The following POLI variants were observed in gnomAD, a reference collection of about 807,000 sequenced individuals.
The protein encoded by POLI is DNA polymerase iota.
Under a neutral mutation model 51.6 loss-of-function variants are expected in POLI, and 58 were observed. The ratio of observed to expected loss-of-function variants is 1.12; its 90% CI spans 0.91 to 1.40. The LOEUF (loss-of-function observed/expected upper bound fraction) is 1.40, where lower values mean the gene tolerates loss of function less well. POLI is among the 40% of genes most tolerant of loss of function. POLI has a pLI of 0.00. For synonymous variants in POLI, 322 were observed against 299.7 expected, an observed-to-expected ratio of 1.07 and a Z score of -0.77; for missense variants, 921 against 871.3, an observed-to-expected ratio of 1.06 and a Z score of -0.72.
At chr18:54,288,148 C>T (rs2087831733) in intron 8 of POLI, among the ~76,000 whole-genome samples, 1 of 152,144 alleles carries the variant, frequency 6.6e-6, no homozygotes, top group African/African-American at 2.4e-5. Context: ...ACATTTTCAT[C>T]AACAATATTT....
Position 54,294,619 on chromosome 18 carries a change from C to A in POLI, c.*152C>A. The A allele has an allele frequency of 7.7e-7, 1 of 1,299,616 alleles. No homozygotes were observed. The highest frequency in any genetic ancestry group is 9.7e-7 in the Non-Finnish European group (1 of 1,027,470). The allele number at this position is 1,299,616 out of a possible 1,614,324, so 80.5% of individuals were successfully genotyped here. On this transcript the variant is annotated 3_prime_UTR_variant, in exon 10 of 10. Transcript: ENST00000579534. ...CAAGAATAGTTGCAAGAAGTAAATT[C>A]TGGCACAAAGCGTAAAAATATAACA...
At position 54,297,823 on chromosome 18, in the gene POLI, G is replaced by A. The variant is rs2088408035; in HGVS notation, c.*3356G>A. On this transcript the variant is annotated 3_prime_UTR_variant, in exon 10 of 10. Transcript: ENST00000579534. ...TAAATCTCCAAATTGGATATTATTA[G>A]TATTTTATATAGTCAATGTTTATTT... 3 of 966,000 alleles carry A rather than the reference G, an allele frequency of 3.1e-6. No individual in the cohort carries two copies. Among genetic ancestry groups the A allele is most frequent in the South Asian group, 9.5e-5 (2 of 20,992 alleles). The allele number at this position is 966,000 out of a possible 1,614,324, so 59.8% of individuals were successfully genotyped here. A position where few individuals can be genotyped will look rare whatever the true frequency, so the allele number is the denominator to read the frequency against.
downstream of POLI, among the ~76,000 whole-genome samples, chr18:54,299,232 C>T (rs369509953): frequency 9.2e-5 from 14 of 152,132 alleles, 1 homozygote; most frequent in South Asian, 8.3e-4. Flanking sequence ...CTCAGGAGTT[C>T]GAGACCAACC....
At chr18:54,298,892 C>A (rs1044556446), downstream of POLI, among the ~76,000 whole-genome samples, 2 of 152,056 alleles carry the variant, frequency 1.3e-5, no homozygotes, top group Admixed American at 1.3e-4. Flanking sequence ...GGCCCTACTA[C>A]AGAATCTTTT....
chr18:54,272,933 G>A (rs939523721), intron 2 of POLI, among the ~76,000 whole-genome samples: 8 of 151,840 alleles, frequency 5.3e-5, no homozygotes, highest in African/African-American at 1.5e-4. Context: ...GGCATTACCT[G>A]ATATATGAAA....
chr18:54,297,078 C>G lies in POLI; in HGVS notation c.*2611C>G, dbSNP rs1011986671. On this transcript the variant is annotated 3_prime_UTR_variant, in exon 10 of 10. Coordinates refer to ENST00000579534, the MANE Select transcript of POLI (RefSeq NM_007195.3). Reference sequence around the variant, plus strand: ...AAACTCCTTGGCATACTCTATTCACCTTTGTGGATCCTGATTGAATGCCTT... The same window carrying G: ...AAACTCCTTGGCATACTCTATTCACGTTTGTGGATCCTGATTGAATGCCTT... 9.1e-6 allele frequency: 9 copies of G among 985,208 alleles called. No homozygotes were observed. Among genetic ancestry groups the G allele is most frequent in the Non-Finnish European group, 1.1e-5 (9 of 829,896 alleles). The allele number at this position is 985,208 out of a possible 1,614,324, so 61.0% of individuals were successfully genotyped here.
intron 3 of POLI, among the ~76,000 whole-genome samples, chr18:54,306,546 G>A (rs2088589482): frequency 6.6e-6 from 1 of 151,996 alleles, no homozygotes; most frequent in Non-Finnish European, 1.5e-5. Context: ...TTTTTTGTGT[G>A]TGTCTCTGCT....
intron 3 of POLI, among the ~76,000 whole-genome samples, chr18:54,307,813 G>T (rs2088612800): frequency 6.6e-6 from 1 of 152,032 alleles, no homozygotes; most frequent in East Asian, 1.9e-4. Context: ...TCTTCTTGTT[G>T]AATTGATCCC....
Position 54,274,084 on chromosome 18 carries a change from GT to G in POLI, c.402del (p.Thr135GlnfsTer23). On this transcript the variant is annotated frameshift_variant, in exon 3 of 10. Coordinates refer to ENST00000579534, the MANE Select transcript of POLI (RefSeq NM_007195.3). LOFTEE classifies it high-confidence loss of function. ...CCGCTACAGAGAAATGTCTTATAAG[GT>G]TACAGGTACAAATGATAAGCAATGT... ...LTRYREMSYK[V>X]TELLEEFSPV... 1.4e-6 allele frequency: 2 copies of G among 1,425,198 alleles called. No individual in the cohort carries two copies. The highest frequency in any genetic ancestry group is 4.9e-5 in the Admixed American group (2 of 40,634). 88.3% of individuals were successfully genotyped at this position (1,425,198 alleles called of 1,614,324 possible).
At chr18:54,281,856 C>T (rs1160822513) in intron 5 of POLI, among the ~76,000 whole-genome samples, 1 of 151,696 alleles carries the variant, frequency 6.6e-6, no homozygotes, top group Non-Finnish European at 1.5e-5. Flanking sequence ...ATAGTTCCCC[C>T]TACATAGCCA....
At chr18:54,311,906 C>T (rs980200191) in intron 3 of POLI, among the ~76,000 whole-genome samples, 2 of 152,142 alleles carry the variant, frequency 1.3e-5, no homozygotes, top group Admixed American at 6.5e-5. Flanking sequence ...AAAAATAGGG[C>T]ATCACATTTA....
intron 2 of POLI, 132 bp from the exon 3 acceptor site, chr18:54,273,794 A>T (rs1405249752): frequency 4.3e-6 from 2 of 469,338 alleles, no homozygotes; most frequent in Non-Finnish European, 7.3e-6. Context: ...ATGTTTTTTA[A>T]TTGAGACAGG....
chr18:54,299,155 C>G (rs1190784020), downstream of POLI, among the ~76,000 whole-genome samples: 1 of 152,168 alleles, frequency 6.6e-6, no homozygotes, highest in Non-Finnish European at 1.5e-5. Context: ...AGAGCCTGGG[C>G]CGGGCGTGGT....
intron 5 of POLI, among the ~76,000 whole-genome samples, chr18:54,282,353 T>C (rs536796584): frequency 8.6e-4 from 131 of 152,280 alleles, no homozygotes; most frequent in African/African-American, 3.1e-3. Context: ...TCAGGAGCCC[T>C]GAGTGGAAGA....
intron 5 of POLI, 139 bp downstream of exon 5, chr18:54,281,042 G>T: frequency 6.2e-6 from 3 of 487,458 alleles, no homozygotes; most frequent in Non-Finnish European, 1.1e-5. Context: ...GTGTATACTT[G>T]GTTCCTGGAA....
chr18:54,321,089 A>G (rs1375243912), exon 5 of POLI: 1 of 152,208 alleles, frequency 6.6e-6, no homozygotes, highest in Non-Finnish European at 1.5e-5. Flanking sequence ...CGCCACAGTC[A>G]ACACACAGAA....
chr18:54,305,022 C>A (rs2088558651), intron 3 of POLI, among the ~76,000 whole-genome samples: 1 of 152,178 alleles, frequency 6.6e-6, no homozygotes, highest in Non-Finnish European at 1.5e-5. Flanking sequence ...ATAGGGAATC[C>A]TTTCCCCATT....
At position 54,272,710 on chromosome 18, in the gene POLI, G is replaced by T. The variant is rs140087604; in HGVS notation, c.242-1216G>T. 1.3e-4 allele frequency among the ~76,000 whole-genome samples: 20 copies of T among 151,296 alleles called. No homozygotes were observed. The East Asian group carries it at 3.3e-3, about 25-fold the overall frequency. On this transcript the variant is annotated intron_variant, in intron 2 of 9. Coordinates refer to ENST00000579534, the MANE Select transcript of POLI (RefSeq NM_007195.3). The stretch of plus-strand genomic sequence containing the variant: ...TGGTCTCGTATGCTTGAATTCAGGC[G>T]ATCCACCTGCCTTGGCCTCCCAAAG...
intron 5 of POLI, among the ~76,000 whole-genome samples, chr18:54,281,178 C>G: frequency 6.6e-6 from 1 of 152,136 alleles, no homozygotes; most frequent in East Asian, 1.9e-4. Context: ...AGCCTAGAAA[C>G]ATATGGTCCT....
Sources: gnomAD v4.1 joint callset for allele counts (sites outside exome capture counted in the v4.1 genomes callset) on GRCh38, gnomAD v4.1.1 for gene constraint, MANE v1.5 for transcripts, NCBI Gene and HGNC (gene_info 2026-07-23, HGNC 2026-07-21) for gene names.